Variants in REELD1 observed in about 807,000 individuals in gnomAD.
The protein encoded by REELD1 is reeler domain containing 1.
Under a neutral mutation model 6.3 loss-of-function variants are expected in REELD1, and 12 were observed. That is an observed-to-expected ratio of 1.89 (90% CI 1.21 to 3.07). The LOEUF is 3.07. REELD1 is among the 30% of genes most tolerant of loss of function. REELD1 has a pLI of 0.00. For synonymous variants in REELD1, 57 were observed against 33.6 expected (o/e 1.70, Z -2.42); for missense variants, 163 against 86.8 (o/e 1.88, Z -3.49).
chr4:146,223,377 C>T (rs1320008965), intron 4 of REELD1, among the ~76,000 whole-genome samples: 1 of 152,116 alleles, frequency 6.6e-6, no homozygotes, highest in Non-Finnish European at 1.5e-5. Context: ...CTCCTGGTGG[C>T]ACAGGGCAGC....
intron 3 of REELD1, among the ~76,000 whole-genome samples, chr4:146,219,233 G>A (rs2110917131): frequency 6.6e-6 from 1 of 152,242 alleles, no homozygotes; most frequent in South Asian, 2.1e-4. Context: ...TAAAAATATT[G>A]TGATACCTAA....
chr4:146,219,071 G>A (rs1044182503), intron 3 of REELD1, among the ~76,000 whole-genome samples: 2 of 152,128 alleles, frequency 1.3e-5, no homozygotes, highest in Non-Finnish European at 2.9e-5. Flanking sequence ...AGGATTGCTT[G>A]AGCCTAGGAG....
At chr4:146,217,269 A>C in intron 3 of REELD1, 109 bp downstream of exon 3, 1 of 397,622 alleles carries the variant, frequency 2.5e-6, no homozygotes, top group Non-Finnish European at 4.4e-6. Flanking sequence ...ATTTGGCTTA[A>C]TCCCTTTTTT....
At chr4:146,225,955 G>T (rs1731014324) in intron 5 of REELD1, among the ~76,000 whole-genome samples, 1 of 152,100 alleles carries the variant, frequency 6.6e-6, no homozygotes, top group East Asian at 1.9e-4. Context: ...AAAGAAACAT[G>T]TATGTATGCT....
chr4:146,228,744 A>G (rs1329131044), intron 6 of REELD1, among the ~76,000 whole-genome samples: 3 of 152,172 alleles, frequency 2.0e-5, no homozygotes, highest in African/African-American at 4.8e-5. Context: ...TGCTGTTATA[A>G]GTAAAACTTT....
At chr4:146,224,709 A>G (rs1730989972) in intron 5 of REELD1, 101 bp downstream of exon 5, 1 of 660,272 alleles carries the variant, frequency 1.5e-6, no homozygotes, top group South Asian at 1.6e-5. Context: ...CTGTTCCTGC[A>G]AAACAAGCAA....
At chr4:146,220,166 T>C (rs1033938198) in intron 3 of REELD1, among the ~76,000 whole-genome samples, 1 of 152,142 alleles carries the variant, frequency 6.6e-6, no homozygotes, top group Non-Finnish European at 1.5e-5. Flanking sequence ...GCCAGGGTGG[T>C]CTCAATCTTC....
chr4:146,220,086 G>A (rs1021157735), intron 3 of REELD1, among the ~76,000 whole-genome samples: 3 of 152,264 alleles, frequency 2.0e-5, no homozygotes, highest in African/African-American at 7.2e-5. Flanking sequence ...GGGACTACAG[G>A]CACCCACCAC....
chr4:146,221,180 G>T (rs1036599539), intron 3 of REELD1, among the ~76,000 whole-genome samples: 5 of 152,116 alleles, frequency 3.3e-5, no homozygotes, highest in African/African-American at 1.2e-4. Context: ...CATCCCAGAT[G>T]GACACTCTGT....
chr4:146,231,867 TCTC>T lies in REELD1; in HGVS notation c.*1360_*1362del, dbSNP rs1465522116. 2.0e-5 allele frequency: 3 copies of T among 152,194 alleles called. No individual in the cohort carries two copies. The highest frequency in any genetic ancestry group is 7.2e-5 in the African/African-American group (3 of 41,450). 9.4% of individuals were successfully genotyped at this position (152,194 alleles called of 1,614,324 possible). ...TCATTGGTCATCAATTCCAAGACTC[TCTC>T]CTCCTGGATTCTGGGCTAGGTAGCT... On this transcript the variant is annotated 3_prime_UTR_variant, in exon 8 of 8. Transcript: ENST00000623665.
In REELD1 at chr4:146,218,471, T is replaced by G. The variant is rs190911517; in HGVS notation, c.208+1311T>G. ...TTTGCCCTAAACCCCTCTTGATTTT[T>G]GCTGATTCTTTTGATAGGAACTAAA... On this transcript the variant is annotated intron_variant, in intron 3 of 7. Transcript: ENST00000623665. Among the ~76,000 whole-genome samples, 82 of 152,350 alleles carry G rather than the reference T, an allele frequency of 5.4e-4. No homozygotes were observed. In the East Asian group the frequency reaches 0.015, roughly 29 times the overall value.
intron 5 of REELD1, among the ~76,000 whole-genome samples, chr4:146,226,191 G>A (rs1731018808): frequency 6.6e-6 from 1 of 152,152 alleles, no homozygotes; most frequent in Non-Finnish European, 1.5e-5. Context: ...TCTCCCAATA[G>A]ACCAAGACAC....
At chr4:146,217,707 A>G (rs927983714) in intron 3 of REELD1, among the ~76,000 whole-genome samples, 1 of 152,256 alleles carries the variant, frequency 6.6e-6, no homozygotes, top group Non-Finnish European at 1.5e-5. Flanking sequence ...ATATAAATGT[A>G]TCTTATTACG....
chr4:146,229,214 A>G, intron 7 of REELD1, 126 bp downstream of exon 7: 1 of 616,360 alleles, frequency 1.6e-6, no homozygotes, highest in South Asian at 2.0e-5. Flanking sequence ...GCAAAGTACA[A>G]TATACACACA....
chr4:146,228,473 A>G lies in REELD1; in HGVS notation c.859A>G (p.Lys287Glu). Reference sequence around the variant, plus strand: ...CAGGCTGGAGAGGCTCGTGGCCCTCAAGAGAGTCTCCTCAGAGAGCTTTGC... The same window carrying G: ...CAGGCTGGAGAGGCTCGTGGCCCTCGAGAGAGTCTCCTCAGAGAGCTTTGC... ...VHRLERLVALKRVSSESFASS... is the reference protein window; with the variant it reads ...VHRLERLVALERVSSESFASS... Residue 287 changes from lysine (K) to glutamate (E), a missense_variant, in exon 6 of 8, where the codon AAG becomes GAG. Transcript: ENST00000623665. 1.4e-6 allele frequency: 1 copy of G among 702,470 alleles called. No individual in the cohort carries two copies. The highest frequency in any genetic ancestry group is 2.6e-6 in the Non-Finnish European group (1 of 384,980). The allele number at this position is 702,470 out of a possible 1,614,324, so 43.5% of individuals were successfully genotyped here.
intron 3 of REELD1, among the ~76,000 whole-genome samples, chr4:146,217,521 G>A (rs181362880): frequency 1.3e-5 from 2 of 152,262 alleles, no homozygotes; most frequent in East Asian, 3.9e-4. Flanking sequence ...TGGGATTACA[G>A]GCACAAGCTA....
chr4:146,215,880 A>C (rs1197041842), intron 2 of REELD1, among the ~76,000 whole-genome samples: 1 of 151,834 alleles, frequency 6.6e-6, no homozygotes, highest in Non-Finnish European at 1.5e-5. Context: ...CCTCCCGAGT[A>C]GCTGGGACTA....
intron 3 of REELD1, among the ~76,000 whole-genome samples, chr4:146,220,715 C>G (rs1730909437): frequency 6.6e-6 from 1 of 152,258 alleles, no homozygotes; most frequent in Non-Finnish European, 1.5e-5. Context: ...GCTGTTCTCT[C>G]AGCAGATCTG....
chr4:146,223,660 C>T (rs1005514508), intron 4 of REELD1, among the ~76,000 whole-genome samples: 3 of 152,180 alleles, frequency 2.0e-5, no homozygotes, highest in African/African-American at 7.2e-5. Context: ...ACAGAAAAAA[C>T]GAGGTAAGTC....
Sources: allele counts gnomAD v4.1 joint callset (sites outside exome capture counted in the v4.1 genomes callset), GRCh38; gene constraint gnomAD v4.1.1; transcripts MANE v1.5; gene names NCBI Gene and HGNC (gene_info 2026-07-23, HGNC 2026-07-21).